Variants in CEACAM8 observed in about 807,000 individuals in gnomAD.
CEACAM8 encodes the protein cell adhesion molecule CEACAM8.
In CEACAM8, 31 loss-of-function variants were observed where a neutral mutation model predicts 33.4. The observed-to-expected ratio is 0.93, with a 90% CI of 0.70 to 1.25. CEACAM8 has a LOEUF of 1.25. Ranked by LOEUF, CEACAM8 falls within the 50% of genes most tolerant of loss-of-function variation. The pLI is 0.00. For synonymous variants in CEACAM8, 138 were observed against 164.5 expected, an observed-to-expected ratio of 0.84 and a Z score of 1.23; for missense variants, 388 against 434.6, an observed-to-expected ratio of 0.89 and a Z score of 0.95.
chr19:42,593,513 C>T (rs745475741), intron 2 of CEACAM8, 28 bp downstream of exon 2: 2 of 1,539,148 alleles, frequency 1.3e-6, no homozygotes, highest in East Asian at 2.3e-5. Context: ...TGACCCCCAA[C>T]ACCCAGAGGT....
intron 5 of CEACAM8, among the ~76,000 whole-genome samples, chr19:42,582,276 A>G (rs918425674): frequency 3.3e-5 from 5 of 151,974 alleles, no homozygotes; most frequent in African/African-American, 9.7e-5. Context: ...AGTGATTCCA[A>G]TGTGTGGCTA....
At position 42,594,845 on chromosome 19, in the gene CEACAM8, G is replaced by A. The variant is rs372353129; in HGVS notation, c.-17C>T. ...GGGCCCCATGGTCTCTGCTGCCTGC[G>A]TGTTCTCCTCTGTGGAGATGAGCCT... On this transcript the variant is annotated 5_prime_UTR_variant, in exon 1 of 6. It adds an upstream start codon to the 5' untranslated region. Transcript: ENST00000244336. 11 of 1,605,574 alleles carry A rather than the reference G, an allele frequency of 6.9e-6. No individual in the cohort carries two copies. The highest frequency in any genetic ancestry group is 1.7e-4 in the Middle Eastern group (1 of 6,030).
intron 3 of CEACAM8, 127 bp downstream of exon 3, chr19:42,589,329 CG>C: frequency 2.1e-6 from 3 of 1,429,134 alleles, no homozygotes; most frequent in Non-Finnish European, 2.9e-6. Flanking sequence ...AAAGTCATGA[CG>C]AGCTGGGTTT....
At chr19:42,584,223 C>T (rs983000542) in intron 4 of CEACAM8, among the ~76,000 whole-genome samples, 8 of 152,170 alleles carry the variant, frequency 5.3e-5, no homozygotes, top group East Asian at 1.9e-4. Context: ...CACACACACA[C>T]ACACAACCTT....
chr19:42,589,644 C>T lies in CEACAM8; in HGVS notation c.516G>A (p.Gln172=), dbSNP rs1433143209. The T allele has an allele frequency of 6.2e-7, 1 of 1,614,106 alleles. No homozygotes were observed. The change falls in exon 3 of 6, where the codon CAG becomes CAA. Residue 172 remains glutamine, a synonymous_variant. Transcript: ENST00000244336. ...AVAFTCEPET[Q]NTTYLWWVNG... is the part of the protein sequence containing the mutation. ...TTACCCACCACAGGTAGGTTGTGTT[C>T]TGAGTCTCAGGTTCACAGGTGAAGG...
At chr19:42,583,612 C>G (rs1381470140) in intron 4 of CEACAM8, among the ~76,000 whole-genome samples, 1 of 152,184 alleles carries the variant, frequency 6.6e-6, no homozygotes, top group African/African-American at 2.4e-5. Context: ...TGTGAAAAAG[C>G]TGATTGCTAT....
At chr19:42,591,981 GT>G (rs2042448676) in intron 2 of CEACAM8, among the ~76,000 whole-genome samples, 1 of 152,178 alleles carries the variant, frequency 6.6e-6, no homozygotes, top group Non-Finnish European at 1.5e-5. Context: ...AGTGAGGGGG[GT>G]TAGGATCTTA....
In CEACAM8 at chr19:42,594,796, C is replaced by T; in HGVS notation, c.33G>A (p.Trp11Ter). MGPISAPSCR[W>*]RIPWQGLLLT... The stretch of plus-strand genomic sequence containing the variant: ...GCAGGAGCCCCTGCCAGGGGATGCG[C>T]CATCTGCAGGAAGGGGCTGAGATGG... Residue 11 changes from tryptophan (W) to a stop codon, truncating the protein, a stop_gained, in exon 1 of 6, where the codon TGG (tryptophan) becomes TGA (stop). Transcript: ENST00000244336. LOFTEE classifies it high-confidence loss of function. 1 of 1,611,622 alleles carries T rather than the reference C, an allele frequency of 6.2e-7. No homozygotes were observed. The highest frequency in any genetic ancestry group is 8.5e-7 in the Non-Finnish European group (1 of 1,178,388).
rs575110391 is a variant in CEACAM8 at position 42,588,005 on chromosome 19, A to G, written c.958+779T>C. ...TGGCACTACCCCTTCCCTCTCATGC[A>G]GAGACCCTGTGGCTGAATCTCCCTG... On this transcript the variant is annotated intron_variant, in intron 4 of 5. Coordinates refer to ENST00000244336, the MANE Select transcript of CEACAM8 (RefSeq NM_001816.4). Among the ~76,000 whole-genome samples, 6 of 152,332 alleles carry G rather than the reference A, an allele frequency of 3.9e-5. No individual in the cohort carries two copies. The South Asian group carries it at 8.3e-4, about 21-fold the overall frequency.
At position 42,593,636 on chromosome 19, in the gene CEACAM8, C is replaced by G. The variant is rs45440298; in HGVS notation, c.329G>C (p.Arg110Pro). 4 of 1,613,580 alleles carry G rather than the reference C, an allele frequency of 2.5e-6. No homozygotes were observed. The African/African-American group carries it at 5.3e-5, about 22-fold the overall frequency. Residue 110 changes from arginine (R) to proline (P), a missense_variant, in exon 2 of 6, where the codon CGG becomes CCG. Physicochemically the swap from Arg to Pro is moderately radical, Grantham distance 103 (BLOSUM62 -2). Transcript: ENST00000244336. ...TIYPNASLLM[R>P]NVTRNDTGSY... ...TCCTGTGTCATTTCTGGTGACGTTC[C>G]GCATCAGCAGGGATGCATTGGGGTA...
At position 42,588,798 on chromosome 19, in the gene CEACAM8, A is replaced by G; in HGVS notation, c.944T>C (p.Met315Thr). 1 of 1,614,168 alleles carries G rather than the reference A, an allele frequency of 6.2e-7. No individual in the cohort carries two copies. Among genetic ancestry groups the G allele is most frequent in the Non-Finnish European group, 8.5e-7 (1 of 1,180,008 alleles). The change falls in exon 4 of 6, where the codon ATG (methionine) becomes ACG (threonine). Residue 315 changes from methionine to threonine, a missense_variant. By Grantham distance (81) the Met-to-Thr change is moderately conservative. Coordinates refer to ENST00000244336, the MANE Select transcript of CEACAM8 (RefSeq NM_001816.4). Reference sequence around the variant, plus strand: ...GATCCACTTACCAGAGACTGTGATCATCCTGACTGTGGTCCTGTTGCGGCC... The same window carrying G: ...GATCCACTTACCAGAGACTGTGATCGTCCTGACTGTGGTCCTGTTGCGGCC... ...ATGRNRTTVRMITVSDALVQG... is the reference protein window; with the variant it reads ...ATGRNRTTVRTITVSDALVQG...
rs1425909783 is a variant in CEACAM8, at chr19:42,580,456, A to T, written c.*938T>A. The T allele has an allele frequency of 6.6e-6, 1 of 152,254 alleles. No homozygotes were observed. The highest frequency in any genetic ancestry group is 1.5e-5 in the Non-Finnish European group (1 of 68,044). 9.4% of individuals were successfully genotyped at this position (152,254 alleles called of 1,614,324 possible). On this transcript the variant is annotated 3_prime_UTR_variant, in exon 6 of 6. Coordinates refer to ENST00000244336, the MANE Select transcript of CEACAM8 (RefSeq NM_001816.4). ...AAATTTGGGGTTGACACGATAGATT[A>T]GACACTCCGTTAATCTATCATTCTC...
intron 4 of CEACAM8, among the ~76,000 whole-genome samples, chr19:42,585,675 TG>T (rs1257493124): frequency 5.9e-5 from 9 of 152,206 alleles, no homozygotes; most frequent in Non-Finnish European, 1.3e-4. Flanking sequence ...TTTCCCCCTA[TG>T]ATCAGGAACA....
chr19:42,592,597 C>CA (rs922130468), intron 2 of CEACAM8, among the ~76,000 whole-genome samples: 3,749 of 40,212 alleles, frequency 0.093, 396 homozygotes, highest in African/African-American at 0.24. Context: ...GACTCCGTCT[C>CA]AAAAAAAAAA....
rs1472816674 is a variant in CEACAM8 at position 42,580,562 on chromosome 19, A to G, written c.*832T>C. 2 of 152,258 alleles carry G rather than the reference A, an allele frequency of 1.3e-5. No individual in the cohort carries two copies. Among genetic ancestry groups the G allele is most frequent in the Admixed American group, 1.3e-4 (2 of 15,282 alleles). 9.4% of individuals were successfully genotyped at this position (152,258 alleles called of 1,614,324 possible). A position where few individuals can be genotyped will look rare whatever the true frequency, so the allele number is the denominator to read the frequency against. ...TTAAACTATATCCCATTATAAAGACAGCAGATTCTCACTGAACTTGTGCAA... is the reference window on the plus strand; with the variant it reads ...TTAAACTATATCCCATTATAAAGACGGCAGATTCTCACTGAACTTGTGCAA... On this transcript the variant is annotated 3_prime_UTR_variant, in exon 6 of 6. Coordinates refer to ENST00000244336, the MANE Select transcript of CEACAM8 (RefSeq NM_001816.4).
intron 3 of CEACAM8, among the ~76,000 whole-genome samples, 168 bp downstream of exon 3, chr19:42,589,289 G>T (rs1338897371): frequency 1.3e-5 from 2 of 152,162 alleles, no homozygotes; most frequent in Non-Finnish European, 2.9e-5. Context: ...CTTGGTCAAG[G>T]CTAGGCCTAC....
chr19:42,585,898 G>T (rs1216354908), intron 4 of CEACAM8, among the ~76,000 whole-genome samples: 2 of 151,902 alleles, frequency 1.3e-5, no homozygotes, highest in Non-Finnish European at 2.9e-5. Flanking sequence ...AATGTTGCAG[G>T]ATACAAAATC....
chr19:42,594,499 A>T (rs1030128459), intron 1 of CEACAM8, among the ~76,000 whole-genome samples: 1 of 152,176 alleles, frequency 6.6e-6, no homozygotes, highest in Non-Finnish European at 1.5e-5. Context: ...GTCATCTGGT[A>T]TGGTTATTAT....
rs2042253658 is a variant in CEACAM8, at chr19:42,581,202, A to G, written c.*192T>C. ...TCACAAAGGTATCAGCCTGTTTGCA[A>G]GTTCATAGACAGTCCAGTGGCGTGA... On this transcript the variant is annotated 3_prime_UTR_variant, in exon 6 of 6. Transcript: ENST00000244336. 1 of 152,170 alleles carries G rather than the reference A, an allele frequency of 6.6e-6. No individual in the cohort carries two copies. Among genetic ancestry groups the G allele is most frequent in the Non-Finnish European group, 1.5e-5 (1 of 68,046 alleles). 9.4% of individuals were successfully genotyped at this position (152,170 alleles called of 1,614,324 possible).
Sources: gnomAD v4.1 joint callset for allele counts (sites outside exome capture counted in the v4.1 genomes callset) on GRCh38, gnomAD v4.1.1 for gene constraint, MANE v1.5 for transcripts, NCBI Gene and HGNC (gene_info 2026-07-23, HGNC 2026-07-21) for gene names.